The following PCDH15 variants were observed in gnomAD, a reference collection of about 807,000 sequenced individuals.
PCDH15 encodes the protein protocadherin related 15.
In PCDH15, 129 loss-of-function variants were observed where a neutral mutation model predicts 178.5. The ratio of observed to expected loss-of-function variants is 0.72; its 90% CI spans 0.63 to 0.84. The LOEUF (loss-of-function observed/expected upper bound fraction) is 0.84, where lower values mean the gene tolerates loss of function less well. Among genes scored for constraint, PCDH15 ranks in the 40% least tolerant of loss-of-function variants. PCDH15 has a pLI of 0.00. For missense variants in PCDH15, 2,230 were observed against 2,099.9 expected, an observed-to-expected ratio of 1.06 and a Z score of -1.21; for synonymous variants, 800 against 732.0, an observed-to-expected ratio of 1.09 and a Z score of -1.50.
chr10:55,064,805 A>G (rs1172197587), intron 2 of PCDH15, among the ~76,000 whole-genome samples: 1 of 152,084 alleles, frequency 6.6e-6, no homozygotes, highest in Non-Finnish European at 1.5e-5. Context: ...AGCAAATGAA[A>G]ACAAAGACAT....
chr10:55,137,945 G>A (rs756892132), intron 2 of PCDH15, among the ~76,000 whole-genome samples: 16 of 152,022 alleles, frequency 1.1e-4, no homozygotes, highest in African/African-American at 2.9e-4. Flanking sequence ...CAACCCACAC[G>A]TATTATGCTT....
chr10:54,036,139 A>G (rs548282384), intron 18 of PCDH15, among the ~76,000 whole-genome samples: 1 of 152,064 alleles, frequency 6.6e-6, no homozygotes, highest in South Asian at 2.1e-4. Context: ...CCATAACATA[A>G]AAGTGCAAGG....
intron 9 of PCDH15, among the ~76,000 whole-genome samples, chr10:54,221,294 A>G (rs2134193856): frequency 6.6e-6 from 1 of 152,284 alleles, no homozygotes; most frequent in Non-Finnish European, 1.5e-5. Flanking sequence ...TTATAGAGGA[A>G]ATGGCAACCT....
At chr10:54,460,384 G>A (rs940246071) in intron 3 of PCDH15, among the ~76,000 whole-genome samples, 13 of 152,028 alleles carry the variant, frequency 8.6e-5, no homozygotes, top group African/African-American at 3.1e-4. Flanking sequence ...TGATAGCCAT[G>A]GAAGTACTTT....
intron 2 of PCDH15, among the ~76,000 whole-genome samples, chr10:54,598,929 A>G (rs2134043567): frequency 6.6e-6 from 1 of 152,258 alleles, no homozygotes; most frequent in East Asian, 1.9e-4. Flanking sequence ...AAGGTGAAAG[A>G]TCTCTACAAT....
chr10:55,189,278 A>C (rs1839880232), intron 1 of PCDH15, among the ~76,000 whole-genome samples: 1 of 151,948 alleles, frequency 6.6e-6, no homozygotes. Flanking sequence ...ATCTAAAAAA[A>C]TTGACAATAG....
chr10:55,285,131 T>G (rs143214487), intron 1 of PCDH15, among the ~76,000 whole-genome samples: 181 of 144,892 alleles, frequency 1.2e-3, no homozygotes, highest in African/African-American at 4.6e-3. Flanking sequence ...AAGTTTACCA[T>G]ATAAACTTGT....
intron 17 of PCDH15, among the ~76,000 whole-genome samples, chr10:54,068,035 T>C (rs2094171011): frequency 6.6e-6 from 1 of 152,070 alleles, no homozygotes; most frequent in Non-Finnish European, 1.5e-5. Context: ...ATGCTTTCTG[T>C]TGGGGTCACA....
intron 1 of PCDH15, among the ~76,000 whole-genome samples, chr10:55,233,201 T>C (rs1841276292): frequency 6.6e-6 from 1 of 152,120 alleles, no homozygotes; most frequent in Non-Finnish European, 1.5e-5. Flanking sequence ...TAAATAGTCT[T>C]GGATTATTAA....
At chr10:55,456,098 A>G (rs1839545407) in intron 2 of PCDH15, among the ~76,000 whole-genome samples, 1 of 152,258 alleles carries the variant, frequency 6.6e-6, no homozygotes, top group Admixed American at 6.5e-5. Context: ...TAATTTTTCT[A>G]TATGGCTTCA....
At chr10:55,481,392 G>A (rs998480008) in intron 2 of PCDH15, among the ~76,000 whole-genome samples, 1 of 151,298 alleles carries the variant, frequency 6.6e-6, no homozygotes, top group African/African-American at 2.4e-5. Flanking sequence ...GATTTGTTTA[G>A]TATTGGTTCT....
intron 3 of PCDH15, among the ~76,000 whole-genome samples, chr10:54,838,528 T>C (rs1436537987): frequency 6.6e-6 from 1 of 152,026 alleles, no homozygotes; most frequent in Non-Finnish European, 1.5e-5. Flanking sequence ...AATTACCCAG[T>C]CTCGAGTATT....
intron 4 of PCDH15, among the ~76,000 whole-genome samples, chr10:54,370,566 A>C (rs1947505819): frequency 6.6e-6 from 1 of 151,872 alleles, no homozygotes; most frequent in African/African-American, 2.4e-5. Flanking sequence ...ATAACCTACT[A>C]ACTGTATGAT....
chr10:53,905,535 C>T (rs2082621596), intron 25 of PCDH15, among the ~76,000 whole-genome samples: 1 of 152,010 alleles, frequency 6.6e-6, no homozygotes, highest in Non-Finnish European at 1.5e-5. Context: ...CGGGATTTCT[C>T]CATATTGGTG....
At chr10:54,047,970 T>C (rs1001136396) in intron 18 of PCDH15, among the ~76,000 whole-genome samples, 1 of 152,192 alleles carries the variant, frequency 6.6e-6, no homozygotes, top group Non-Finnish European at 1.5e-5. Context: ...GTTCTGTTTT[T>C]AGTTCAGCCA....
intron 2 of PCDH15, among the ~76,000 whole-genome samples, chr10:55,128,738 A>G (rs535625833): frequency 4.6e-5 from 7 of 151,950 alleles, no homozygotes; most frequent in Admixed American, 2.6e-4. Context: ...CACTTGACAA[A>G]CAATTTAGAT....
At chr10:55,235,777 T>C (rs1353687340) in intron 1 of PCDH15, among the ~76,000 whole-genome samples, 1 of 151,752 alleles carries the variant, frequency 6.6e-6, no homozygotes, top group African/African-American at 2.4e-5. Context: ...CGCGGTGGCA[T>C]GTACCTGTAG....
chr10:54,687,649 TA>T (rs1308932422), intron 1 of PCDH15, among the ~76,000 whole-genome samples: 5 of 152,220 alleles, frequency 3.3e-5, no homozygotes, highest in Admixed American at 2.0e-4. Flanking sequence ...CATTCAGCAA[TA>T]ATTCCATCAA....
chr10:55,375,307 C>A (rs980727153), intron 2 of PCDH15, among the ~76,000 whole-genome samples: 1 of 151,938 alleles, frequency 6.6e-6, no homozygotes, highest in African/African-American at 2.4e-5. Context: ...ATATTTAAAT[C>A]GATTTTTAAG....
Sources: allele counts gnomAD v4.1 joint callset (sites outside exome capture counted in the v4.1 genomes callset), GRCh38; gene constraint gnomAD v4.1.1; transcripts MANE v1.5; gene names NCBI Gene and HGNC (gene_info 2026-07-23, HGNC 2026-07-21).